Variants in TMEM132B observed in about 807,000 individuals in gnomAD.
TMEM132B encodes the protein transmembrane protein 132B.
TMEM132B carries 18 observed loss-of-function variants against 90.8 expected under a neutral mutation model. That is an observed-to-expected ratio of 0.20 (90% CI 0.14 to 0.29). The LOEUF is 0.29. Among genes scored for constraint, TMEM132B ranks in the 10% least tolerant of loss-of-function variants. The probability of loss-of-function intolerance (pLI) is 1.00; values close to 1 mark genes in which losing one functional copy is unlikely to be tolerated. For missense variants in TMEM132B, 1,096 were observed against 1,326.8 expected, an observed-to-expected ratio of 0.83 and a Z score of 2.70; for synonymous variants, 504 against 523.3, an observed-to-expected ratio of 0.96 and a Z score of 0.50.
In TMEM132B at chr12:125,186,448, G is replaced by GCGGCGC. The variant is rs1323100970; in HGVS notation, c.-351_-346dup. Among the ~76,000 whole-genome samples, 4 of 146,828 alleles carry GCGGCGC rather than the reference G, an allele frequency of 2.7e-5. No individual in the cohort carries two copies. Among genetic ancestry groups the GCGGCGC allele is most frequent in the African/African-American group, 9.8e-5 (4 of 40,920 alleles). On this transcript the variant is annotated 5_prime_UTR_variant, in exon 1 of 9. Coordinates refer to ENST00000682704, the MANE Select transcript of TMEM132B (RefSeq NM_001366854.1). This position sits in a 1 kb window ranked among gnomAD's most constrained non-coding sequence, Gnocchi z 6.3. ...GATGGCAGAGGCGGCGGCGGCGGCGGCGGCGCGACCGGGATGGGACGGGCG... is the reference window on the plus strand; with the variant it reads ...GATGGCAGAGGCGGCGGCGGCGGCGGCGGCGCCGGCGCGACCGGGATGGGACGGGCG...
At position 125,194,268 on chromosome 12, in the gene TMEM132B, T is replaced by TGGG. The variant is rs150191019; in HGVS notation, c.67+7404_67+7405insGGG. On this transcript the variant is annotated intron_variant, in intron 1 of 8. Coordinates refer to ENST00000682704, the MANE Select transcript of TMEM132B (RefSeq NM_001366854.1). ...CCGAGCCTGGTCTGAATTAACCCGT[T>TGGG]GGTGGGGGGGTCTTACTCATTGTGG... Among the ~76,000 whole-genome samples the TGGG allele has an allele frequency of 5.2e-3, 781 of 149,420 alleles. 8 individuals carry two copies. Among genetic ancestry groups the TGGG allele is most frequent in the African/African-American group, 0.018 (730 of 40,642 alleles).
intron 5 of TMEM132B, among the ~76,000 whole-genome samples, chr12:125,597,894 T>C (rs1885479430): frequency 6.6e-6 from 1 of 152,320 alleles, no homozygotes; most frequent in East Asian, 1.9e-4. Context: ...TGAGTCCAGG[T>C]TCACTTTATT....
At chr12:125,215,327 G>C (rs1188630473) in intron 1 of TMEM132B, among the ~76,000 whole-genome samples, 1 of 152,216 alleles carries the variant, frequency 6.6e-6, no homozygotes, top group Non-Finnish European at 1.5e-5. Context: ...GTGTCACCCA[G>C]CTAAAATCAG....
chr12:125,353,728 C>A (rs970135360), intron 2 of TMEM132B, among the ~76,000 whole-genome samples: 1 of 152,108 alleles, frequency 6.6e-6, no homozygotes, highest in Admixed American at 6.6e-5. Flanking sequence ...TGCCCTTCAT[C>A]CCCCACAGCT....
chr12:125,548,851 G>A (rs1566070142), intron 4 of TMEM132B, among the ~76,000 whole-genome samples: 3 of 152,190 alleles, frequency 2.0e-5, no homozygotes, highest in Admixed American at 2.0e-4. Context: ...AAGACACGAT[G>A]GTGGCTTATG....
chr12:125,354,748 C>A (rs1877712877), intron 2 of TMEM132B, among the ~76,000 whole-genome samples: 1 of 152,204 alleles, frequency 6.6e-6, no homozygotes, highest in Admixed American at 6.5e-5. Context: ...ATGTAAAGCA[C>A]TTACAAGAGT....
At chr12:125,441,707 A>T (rs976322713) in intron 3 of TMEM132B, among the ~76,000 whole-genome samples, 3 of 152,162 alleles carry the variant, frequency 2.0e-5, no homozygotes, top group African/African-American at 7.2e-5. Flanking sequence ...GTAGCCTGGG[A>T]TTTGAAGGCA....
intron 7 of TMEM132B, 97 bp from the exon 8 acceptor site, chr12:125,652,344 C>T: frequency 2.5e-6 from 3 of 1,218,208 alleles, no homozygotes; most frequent in Non-Finnish European, 3.4e-6. Flanking sequence ...TGCATTGAGC[C>T]AAGGGCTGGG....
At chr12:125,515,899 TACACACACAA>T (rs1883140984) in intron 3 of TMEM132B, among the ~76,000 whole-genome samples, 1 of 114,522 alleles carries the variant, frequency 8.7e-6, no homozygotes, top group African/African-American at 4.8e-5. Flanking sequence ...CGCACACATT[TACACACACAA>T]ACACATGTAC....
chr12:125,212,336 T>TTAC lies in TMEM132B; in HGVS notation c.67+25472_67+25473insCTA, dbSNP rs1555232047. Among the ~76,000 whole-genome samples the TTAC allele has an allele frequency of 2.8e-3, 421 of 151,574 alleles. 2 individuals are homozygous for TTAC. Among genetic ancestry groups the TTAC allele is most frequent in the African/African-American group, 9.7e-3 (399 of 41,324 alleles). On this transcript the variant is annotated intron_variant, in intron 1 of 8. Coordinates refer to ENST00000682704, the MANE Select transcript of TMEM132B (RefSeq NM_001366854.1). ...GTTTAGTCGCTCACATATTAATAAATTAATTAATATATATATTTTTTGTAG... is the reference window on the plus strand; with the variant it reads ...GTTTAGTCGCTCACATATTAATAAATTACTAATTAATATATATATTTTTTGTAG...
intron 1 of TMEM132B, among the ~76,000 whole-genome samples, chr12:125,268,054 T>C (rs56025438): frequency 0.079 from 11,981 of 152,202 alleles, 627 homozygotes; most frequent in South Asian, 0.16. Flanking sequence ...GAGACCAGCC[T>C]GAGCAACTTA....
intron 1 of TMEM132B, among the ~76,000 whole-genome samples, chr12:125,247,261 A>G (rs1333325398): frequency 6.6e-6 from 1 of 152,122 alleles, no homozygotes; most frequent in Admixed American, 6.5e-5. Context: ...ATCACATCCC[A>G]TCTTCAGGCT....
At chr12:125,630,150 G>A (rs937453731) in intron 5 of TMEM132B, among the ~76,000 whole-genome samples, 3 of 152,022 alleles carry the variant, frequency 2.0e-5, no homozygotes, top group African/African-American at 7.2e-5. Flanking sequence ...TACTAGCCTT[G>A]TAAAATGAAT....
chr12:125,265,462 C>T (rs1239442605), intron 1 of TMEM132B, among the ~76,000 whole-genome samples: 5 of 152,210 alleles, frequency 3.3e-5, no homozygotes, highest in Admixed American at 3.3e-4. Flanking sequence ...CTCAACATAT[C>T]TCTTTGCCGT....
At chr12:125,444,853 C>T (rs925686602) in intron 3 of TMEM132B, among the ~76,000 whole-genome samples, 14 of 152,064 alleles carry the variant, frequency 9.2e-5, no homozygotes, top group African/African-American at 3.1e-4. Context: ...AAGAGCAGAA[C>T]TGACCTTCTC....
intron 1 of TMEM132B, among the ~76,000 whole-genome samples, chr12:125,336,356 C>T (rs1235957466): frequency 6.6e-6 from 1 of 152,158 alleles, no homozygotes; most frequent in Non-Finnish European, 1.5e-5. Flanking sequence ...GTGTTCCACC[C>T]AACACAGGTA....
chr12:125,347,591 A>C (rs1235378679), intron 1 of TMEM132B, among the ~76,000 whole-genome samples: 6 of 152,206 alleles, frequency 3.9e-5, no homozygotes. Context: ...ACCAGGAGCC[A>C]GAGGGAATGG....
At chr12:125,589,323 A>G (rs1449507723) in intron 5 of TMEM132B, among the ~76,000 whole-genome samples, 3 of 151,982 alleles carry the variant, frequency 2.0e-5, no homozygotes, top group African/African-American at 7.2e-5. Context: ...TCTACTAAAA[A>G]TACAAAAAAT....
chr12:125,502,053 C>T (rs1055050723), intron 3 of TMEM132B, among the ~76,000 whole-genome samples: 12 of 152,190 alleles, frequency 7.9e-5, no homozygotes, highest in South Asian at 2.1e-4. Flanking sequence ...TGCCCATGTG[C>T]ACATGTGTAG....
Sources: gnomAD v4.1 joint callset for allele counts (sites outside exome capture counted in the v4.1 genomes callset) on GRCh38, gnomAD v4.1.1 for gene constraint, Gnocchi (gnomAD v3.1) non-coding constraint, MANE v1.5 for transcripts, NCBI Gene and HGNC (gene_info 2026-07-23, HGNC 2026-07-21) for gene names.